JAK1: variants seen among roughly 807,000 people sequenced by gnomAD.
The protein encoded by JAK1 is Janus kinase 1.
JAK1 carries 16 observed loss-of-function variants against 136.6 expected under a neutral mutation model. That is an observed-to-expected ratio of 0.12 (90% CI 0.08 to 0.18). JAK1 has a LOEUF of 0.18. Among genes scored for constraint, JAK1 ranks in the 10% least tolerant of loss-of-function variants. The pLI is 1.00. For missense variants in JAK1, 859 were observed against 1,450.1 expected (o/e 0.59, Z 6.62); for synonymous variants, 492 against 519.5 (o/e 0.95, Z 0.72).
chr1:64,970,798 A>G (rs529976659), upstream of JAK1, among the ~76,000 whole-genome samples: 3 of 151,902 alleles, frequency 2.0e-5, no homozygotes, highest in Non-Finnish European at 2.9e-5. Context: ...AGAATATATG[A>G]TATATAGGAG....
At chr1:64,888,489 A>T (rs1644885908) in intron 1 of JAK1, among the ~76,000 whole-genome samples, 1 of 152,202 alleles carries the variant, frequency 6.6e-6, no homozygotes, top group Non-Finnish European at 1.5e-5. Flanking sequence ...CAGAACTTAA[A>T]AAGTTTTTTA....
rs1655861186 is a variant in JAK1 at position 64,855,380 on chromosome 1, T to A, written c.1648+129A>T. On this transcript the variant is annotated intron_variant, in intron 11 of 24. Coordinates refer to ENST00000342505, the MANE Select transcript of JAK1 (RefSeq NM_002227.4). ...GTTGGGCACAGAAGTGTAATTAAAC[T>A]CAATAAAAAACACCTAGAAACTGTG... 1.7e-5 allele frequency: 14 copies of A among 810,500 alleles called. 1 individual carries two copies. In the South Asian group the frequency reaches 2.3e-4, roughly 13 times the overall value. The allele number at this position is 810,500 out of a possible 1,614,324, so 50.2% of individuals were successfully genotyped here.
In JAK1 at chr1:64,867,099, T is replaced by C. The variant is rs1328342539; in HGVS notation, c.757A>G (p.Asn253Asp). The change falls in exon 7 of 25, where the codon AAC (asparagine) becomes GAC (aspartate). Residue 253 changes from asparagine (N) to aspartate (D), a missense_variant. Transcript: ENST00000342505. ...ACGCTGCTGTCACAAATGGTCTTGT[T>C]GTTAAATTCCTTTAGGAAATCCTTG... ...VFKDFLKEFN[N>D]KTICDSSVST... The C allele has an allele frequency of 6.2e-7, 1 of 1,614,084 alleles. No homozygotes were observed. Among genetic ancestry groups the C allele is most frequent in the Non-Finnish European group, 8.5e-7 (1 of 1,179,900 alleles).
chr1:64,851,688 G>A (rs758288870), intron 11 of JAK1, among the ~76,000 whole-genome samples: 4 of 152,204 alleles, frequency 2.6e-5, no homozygotes, highest in African/African-American at 4.8e-5. Context: ...TTCCCGCTAT[G>A]GAGCTACTGC....
At chr1:65,042,557 A>G (rs1445289126) in intron 2 of JAK1, among the ~76,000 whole-genome samples, 1 of 152,134 alleles carries the variant, frequency 6.6e-6, no homozygotes, top group Non-Finnish European at 1.5e-5. Context: ...AGGGCTTTAG[A>G]GTTGGCCGAA....
intron 8 of JAK1, 32 bp downstream of exon 8, chr1:64,864,755 T>C (rs997933235): frequency 5.2e-6 from 8 of 1,539,568 alleles, no homozygotes; most frequent in Non-Finnish European, 7.2e-6. Context: ...CATCACCAGA[T>C]CCAGACTTAA....
intron 1 of JAK1, among the ~76,000 whole-genome samples, chr1:64,897,050 G>A (rs766213244): frequency 1.3e-5 from 2 of 152,078 alleles, no homozygotes; most frequent in East Asian, 1.9e-4. Context: ...CTATCACTAC[G>A]AAGAAGGTGG....
At chr1:65,002,181 G>T (rs191305624) in intron 2 of JAK1, 44 of 152,316 alleles carry the variant, frequency 2.9e-4, no homozygotes, top group African/African-American at 9.1e-4. Flanking sequence ...GTGTATATAC[G>T]TATGTGTATA....
chr1:64,945,937 C>T (rs567481711), intron 1 of JAK1, among the ~76,000 whole-genome samples: 1 of 152,180 alleles, frequency 6.6e-6, no homozygotes, highest in East Asian at 1.9e-4. Context: ...AAGGTTTCAC[C>T]ATGTTGGCCA....
At chr1:64,866,733 G>T in intron 7 of JAK1, 133 bp downstream of exon 7, 1 of 639,626 alleles carries the variant, frequency 1.6e-6, no homozygotes, top group Non-Finnish European at 2.8e-6. Flanking sequence ...AAATATGAAT[G>T]ATACATGGTC....
intron 2 of JAK1, among the ~76,000 whole-genome samples, chr1:64,997,093 C>T (rs2100738317): frequency 6.6e-6 from 1 of 152,268 alleles, no homozygotes; most frequent in Non-Finnish European, 1.5e-5. Flanking sequence ...TAATTTGGTC[C>T]TGAGTAAGTA....
intron 1 of JAK1, among the ~76,000 whole-genome samples, chr1:64,887,496 C>T (rs1267419258): frequency 2.0e-5 from 3 of 152,304 alleles, no homozygotes; most frequent in South Asian, 2.1e-4. Context: ...GAGATTCACT[C>T]TTTCAACAAG....
chr1:64,985,728 GC>G, intron 2 of JAK1: 1 of 686,384 alleles, frequency 1.5e-6, no homozygotes, highest in South Asian at 1.6e-5. Flanking sequence ...AACCAAGTAG[GC>G]CAGGATCAGT....
intron 14 of JAK1, 93 bp from the exon 15 acceptor site, chr1:64,845,733 C>T (rs1655190256): frequency 1.3e-6 from 2 of 1,487,324 alleles, no homozygotes; most frequent in Non-Finnish European, 1.9e-6. Flanking sequence ...GTGGACACTA[C>T]TCGGCCTCAG....
intron 5 of JAK1, among the ~76,000 whole-genome samples, chr1:64,870,100 A>T (rs1656985135): frequency 6.6e-6 from 1 of 152,234 alleles, no homozygotes; most frequent in Non-Finnish European, 1.5e-5. Context: ...GCTAACCAGC[A>T]GTGCCCAGCC....
chr1:64,982,597 C>T (rs1646558734), intron 2 of JAK1, among the ~76,000 whole-genome samples: 1 of 152,142 alleles, frequency 6.6e-6, no homozygotes, highest in East Asian at 1.9e-4. Flanking sequence ...CTCCCCAGTC[C>T]CTTAATGACA....
chr1:65,004,076 G>A (rs1361786236), intron 2 of JAK1: 1 of 152,198 alleles, frequency 6.6e-6, no homozygotes, highest in Admixed American at 6.5e-5. Flanking sequence ...CGAGTAGCTG[G>A]GATTACAAGT....
At chr1:64,995,287 C>T (rs180820529) in intron 2 of JAK1, among the ~76,000 whole-genome samples, 1 of 152,232 alleles carries the variant, frequency 6.6e-6, no homozygotes, top group African/African-American at 2.4e-5. Flanking sequence ...GGGAACTATG[C>T]CCATTAGGCC....
In JAK1 at chr1:64,964,493, T is replaced by C. The variant is rs558701150; in HGVS notation, c.-78+1840A>G. Among the ~76,000 whole-genome samples the C allele has an allele frequency of 1.7e-4, 26 of 152,352 alleles. No homozygotes were observed. In the South Asian group the frequency reaches 4.8e-3, roughly 28 times the overall value. ...AGATCCTAAATTACAACAACTGAAA[T>C]GTAGTTATATTTTAGGAAATGTTTG... On this transcript the variant is annotated intron_variant, in intron 1 of 24. Transcript: ENST00000342505.
Sources: allele counts gnomAD v4.1 joint callset (sites outside exome capture counted in the v4.1 genomes callset), GRCh38; gene constraint gnomAD v4.1.1; transcripts MANE v1.5; gene names NCBI Gene and HGNC (gene_info 2026-07-23, HGNC 2026-07-21).